The following HYCC1 variants were observed in gnomAD, a reference collection of about 807,000 sequenced individuals.
HYCC1 encodes hyccin PI4KA lipid kinase complex subunit 1.
At chr7:22,960,499 A>G in the HYCC1 span, 1 of 1,100,044 alleles carries the variant, frequency 9.1e-7, no homozygotes. Flanking sequence ...ACATGATGCT[A>G]AACAGGCTTA....
chr7:22,914,826 G>A, the HYCC1 span, among the ~76,000 whole-genome samples: 1 of 151,860 alleles, frequency 6.6e-6, no homozygotes, highest in Non-Finnish European at 1.5e-5. Flanking sequence ...TTCTTCCTCA[G>A]CCTCCGCTCC....
the HYCC1 span, among the ~76,000 whole-genome samples, chr7:22,971,353 G>C: frequency 6.7e-6 from 1 of 149,444 alleles, no homozygotes; most frequent in Non-Finnish European, 1.5e-5. Context: ...CGGATCTCCA[G>C]ATCATCAGGC....
chr7:22,915,301 G>C, the HYCC1 span, among the ~76,000 whole-genome samples: 1 of 152,186 alleles, frequency 6.6e-6, no homozygotes, highest in African/African-American at 2.4e-5. Context: ...AGAAACCCCA[G>C]ACACATCTCC....
the HYCC1 span, among the ~76,000 whole-genome samples, chr7:22,990,608 A>G: frequency 6.6e-6 from 1 of 152,234 alleles, no homozygotes; most frequent in East Asian, 1.9e-4. Flanking sequence ...TAACTAATCA[A>G]AGGTCATACA....
chr7:22,931,396 G>A, the HYCC1 span, among the ~76,000 whole-genome samples: 2,432 of 152,156 alleles, frequency 0.016, 66 homozygotes, highest in African/African-American at 0.055. Context: ...TTAAGCCACA[G>A]AGTTTGAGGT....
At chr7:22,899,835 A>C in the HYCC1 span, among the ~76,000 whole-genome samples, 1 of 151,974 alleles carries the variant, frequency 6.6e-6, no homozygotes, top group Admixed American at 6.6e-5. Flanking sequence ...GCCCAAATTA[A>C]TCTTTTTTTT....
the HYCC1 span, chr7:22,945,816 C>T: frequency 2.0e-4 from 330 of 1,613,806 alleles, 1 homozygote; most frequent in East Asian, 7.0e-3. Context: ...AATACAGTCG[C>T]TGCGGTCTTA....
the HYCC1 span, among the ~76,000 whole-genome samples, chr7:22,923,936 C>A: frequency 6.9e-6 from 1 of 144,794 alleles, no homozygotes; most frequent in Non-Finnish European, 1.5e-5. Flanking sequence ...GCAGGCAGAT[C>A]ACTTGAGGTC....
At chr7:22,974,518 G>C in the HYCC1 span, among the ~76,000 whole-genome samples, 2 of 152,142 alleles carry the variant, frequency 1.3e-5, no homozygotes, top group Non-Finnish European at 2.9e-5. Context: ...ATCTTTTAAG[G>C]TTAGGAAATG....
the HYCC1 span, among the ~76,000 whole-genome samples, chr7:22,958,537 C>CA: frequency 1.3e-5 from 2 of 152,250 alleles, no homozygotes; most frequent in East Asian, 3.9e-4. Context: ...AATCCTAAGA[C>CA]AGAGTGCTAA....
the HYCC1 span, among the ~76,000 whole-genome samples, chr7:22,916,170 C>T: frequency 6.6e-6 from 1 of 152,148 alleles, no homozygotes; most frequent in South Asian, 2.1e-4. Context: ...CCTTTTAAAG[C>T]CTATAAACTC....
the HYCC1 span, among the ~76,000 whole-genome samples, chr7:22,951,375 T>C: frequency 6.6e-6 from 1 of 151,942 alleles, no homozygotes; most frequent in Non-Finnish European, 1.5e-5. Flanking sequence ...TAAAGGCATC[T>C]GGCTCTGACA....
chr7:22,947,324 A>T, the HYCC1 span: 40 of 1,240,206 alleles, frequency 3.2e-5, no homozygotes, highest in Non-Finnish European at 4.3e-5. Flanking sequence ...CAAAAGACTC[A>T]AAACAAAAAT....
chr7:22,969,441 C>T, the HYCC1 span, among the ~76,000 whole-genome samples: 16 of 151,244 alleles, frequency 1.1e-4, no homozygotes, highest in Admixed American at 4.6e-4. Context: ...GCTGGGATTA[C>T]AGGCATGAGC....
the HYCC1 span, among the ~76,000 whole-genome samples, chr7:22,911,338 C>A: frequency 6.6e-6 from 1 of 152,128 alleles, no homozygotes; most frequent in Non-Finnish European, 1.5e-5. Context: ...TGTTTTTATA[C>A]CAAGCAATTC....
chr7:22,962,204 T>G, the HYCC1 span, among the ~76,000 whole-genome samples: 66 of 152,200 alleles, frequency 4.3e-4, no homozygotes, highest in South Asian at 0.011. Flanking sequence ...TACAAGCAGG[T>G]AAGAAACATT....
the HYCC1 span, chr7:22,944,627 T>C: frequency 3.3e-5 from 5 of 152,140 alleles, no homozygotes; most frequent in Admixed American, 3.3e-4. Context: ...GAAAAATGCA[T>C]TTGCAGACAA....
At chr7:22,949,280 T>C in the HYCC1 span, among the ~76,000 whole-genome samples, 2 of 152,156 alleles carry the variant, frequency 1.3e-5, no homozygotes, top group East Asian at 3.9e-4. Flanking sequence ...TTGATTCCCA[T>C]TTACAGACAA....
At chr7:22,970,174 G>T in the HYCC1 span, among the ~76,000 whole-genome samples, 1 of 152,180 alleles carries the variant, frequency 6.6e-6, no homozygotes, top group African/African-American at 2.4e-5. Context: ...CTAGCTACTT[G>T]TAAGGAAATA....
Sources: gnomAD v4.1 joint callset for allele counts (sites outside exome capture counted in the v4.1 genomes callset) on GRCh38, gnomAD v4.1.1 for gene constraint, MANE v1.5 for transcripts, NCBI Gene and HGNC (gene_info 2026-07-23, HGNC 2026-07-21) for gene names.